GLUD1: variants seen among roughly 807,000 people sequenced by gnomAD.
GLUD1 encodes the protein glutamate dehydrogenase 1, also known as glutamate dehydrogenase 1, mitochondrial.
In GLUD1, 22 loss-of-function variants were observed where a neutral mutation model predicts 56.0. That is an observed-to-expected ratio of 0.39 (90% CI 0.28 to 0.56). GLUD1 has a LOEUF of 0.56. GLUD1 is among the 20% of genes least tolerant of loss of function. The pLI, the probability that GLUD1 is intolerant of heterozygous loss-of-function variation, is 0.58. For synonymous variants in GLUD1, 223 were observed against 269.9 expected (o/e 0.83, Z 1.70); for missense variants, 451 against 732.0 (o/e 0.62, Z 4.43).
intron 1 of GLUD1, among the ~76,000 whole-genome samples, chr10:87,087,295 G>A (rs1424304796): frequency 6.6e-6 from 1 of 152,154 alleles, no homozygotes; most frequent in Admixed American, 6.5e-5. Flanking sequence ...ACCCATACAT[G>A]GATGCATTCA....
intron 1 of GLUD1, among the ~76,000 whole-genome samples, chr10:87,090,240 G>A (rs1023946139): frequency 5.9e-5 from 9 of 152,018 alleles, no homozygotes; most frequent in Admixed American, 6.6e-5. Flanking sequence ...TATTAACAGC[G>A]GTAAACCTAA....
chr10:87,061,201 T>C (rs1404908739), intron 6 of GLUD1, 149 bp from the exon 7 acceptor site: 2 of 809,228 alleles, frequency 2.5e-6, no homozygotes, highest in Admixed American at 3.6e-5. Context: ...ACTAACTGGT[T>C]TCTCTTCAAC....
chr10:87,058,089 C>T (rs1019117273), intron 10 of GLUD1, among the ~76,000 whole-genome samples: 59 of 152,146 alleles, frequency 3.9e-4, no homozygotes, highest in Non-Finnish European at 3.7e-4. Flanking sequence ...AGGATGGTCT[C>T]GACCTCCTGA....
chr10:87,086,973 C>A (rs1445483892), intron 1 of GLUD1, among the ~76,000 whole-genome samples: 1 of 152,110 alleles, frequency 6.6e-6, no homozygotes, highest in Non-Finnish European at 1.5e-5. Context: ...ATGACACTGA[C>A]TACCAGGGTT....
chr10:87,080,580 T>C (rs1204518408), intron 1 of GLUD1, among the ~76,000 whole-genome samples: 1 of 144,846 alleles, frequency 6.9e-6, no homozygotes, highest in South Asian at 2.3e-4. Context: ...GGGAGCGCCT[T>C]TGCCCCGCCG....
chr10:87,052,821 A>C (rs1221742358), intron 12 of GLUD1, among the ~76,000 whole-genome samples: 2 of 152,170 alleles, frequency 1.3e-5, no homozygotes, highest in East Asian at 3.8e-4. Context: ...ATCAAAAATT[A>C]ACAAGAAAAA....
intron 1 of GLUD1, among the ~76,000 whole-genome samples, chr10:87,084,562 A>AAC (rs71019465): frequency 1 from 152,330 of 152,340 alleles, 76,160 homozygotes; most frequent in Middle Eastern, 1. Flanking sequence ...CTCAAAAGCA[A>AAC]ACACAAAAGC....
chr10:87,051,995 G>T, intron 12 of GLUD1, 125 bp from the exon 13 acceptor site: 1 of 1,112,176 alleles, frequency 9.0e-7, no homozygotes, highest in Non-Finnish European at 1.4e-6. Flanking sequence ...GACTTGGGCA[G>T]CCAAAGACAA....
rs1330550348 is a variant in GLUD1, at chr10:87,050,725, T to C, written c.*1026A>G. ...TCAGCCCACTGTTAGTGAAGCTGGG[T>C]GCAGAATGCAAAGCCTCTAAAAGGA... On this transcript the variant is annotated 3_prime_UTR_variant, in exon 13 of 13. Coordinates refer to ENST00000277865, the MANE Select transcript of GLUD1 (RefSeq NM_005271.5). 2.0e-5 allele frequency: 3 copies of C among 152,210 alleles called. No homozygotes were observed. The highest frequency in any genetic ancestry group is 4.4e-5 in the Non-Finnish European group (3 of 68,054). The allele number at this position is 152,210 out of a possible 1,614,324, so 9.4% of individuals were successfully genotyped here. A position where few individuals can be genotyped will look rare whatever the true frequency, so the allele number is the denominator to read the frequency against.
intron 2 of GLUD1, 135 bp from the exon 3 acceptor site, chr10:87,076,158 T>C (rs1846387625): frequency 2.7e-6 from 2 of 743,316 alleles, no homozygotes; most frequent in South Asian, 2.9e-5. Flanking sequence ...AAACCTACCA[T>C]CATTTTCTAA....
intron 4 of GLUD1, among the ~76,000 whole-genome samples, chr10:87,070,585 G>A (rs1443810552): frequency 2.0e-5 from 3 of 152,006 alleles, no homozygotes; most frequent in South Asian, 2.1e-4. Context: ...GTGACAGAGC[G>A]AGACTCTGTC....
At chr10:87,060,078 A>G (rs1388127692) in intron 9 of GLUD1, 83 bp downstream of exon 9, 1 of 900,596 alleles carries the variant, frequency 1.1e-6, no homozygotes, top group Non-Finnish European at 1.9e-6. Context: ...GAGACTAATA[A>G]TTCCTCTCTT....
At chr10:87,084,433 C>T (rs1841335042) in intron 1 of GLUD1, among the ~76,000 whole-genome samples, 1 of 152,146 alleles carries the variant, frequency 6.6e-6, no homozygotes, top group South Asian at 2.1e-4. Context: ...AAATCAAAAG[C>T]AGAAACTAGC....
intron 1 of GLUD1, among the ~76,000 whole-genome samples, chr10:87,080,103 G>C (rs1200438177): frequency 6.6e-6 from 1 of 151,882 alleles, no homozygotes; most frequent in Non-Finnish European, 1.5e-5. Flanking sequence ...ACGCCTGACT[G>C]GTTTTCGTAT....
At chr10:87,067,774 G>A (rs1218249766) in intron 5 of GLUD1, 1 of 384,650 alleles carries the variant, frequency 2.6e-6, no homozygotes. Flanking sequence ...AGCCCTCTGA[G>A]GGAAAAATCA....
At chr10:87,067,266 TCTCA>T (rs1846103350) in intron 5 of GLUD1, among the ~76,000 whole-genome samples, 1 of 152,196 alleles carries the variant, frequency 6.6e-6, no homozygotes, top group African/African-American at 2.4e-5. Context: ...TGAGACAGGG[TCTCA>T]CTCTATTGCC....
chr10:87,063,487 A>T (rs1169570912), intron 5 of GLUD1, among the ~76,000 whole-genome samples: 1 of 152,192 alleles, frequency 6.6e-6, no homozygotes, highest in Admixed American at 6.5e-5. Flanking sequence ...CATTCCTTCA[A>T]CAAGTATTTA....
At chr10:87,058,760 G>T (rs560191064) in intron 10 of GLUD1, among the ~76,000 whole-genome samples, 2 of 152,256 alleles carry the variant, frequency 1.3e-5, no homozygotes, top group East Asian at 3.9e-4. Context: ...GCGTGGCGGT[G>T]AGTGCCTGTA....
At chr10:87,061,741 T>C (rs946345499) in intron 6 of GLUD1, among the ~76,000 whole-genome samples, 6 of 150,072 alleles carry the variant, frequency 4.0e-5, no homozygotes, top group Non-Finnish European at 7.4e-5. Context: ...CTTAGTCTCC[T>C]GAGTAGTTGG....
Sources: gnomAD v4.1 joint callset for allele counts (sites outside exome capture counted in the v4.1 genomes callset) on GRCh38, gnomAD v4.1.1 for gene constraint, MANE v1.5 for transcripts, NCBI Gene and HGNC (gene_info 2026-07-23, HGNC 2026-07-21) for gene names.